PTPRN2: variants seen among roughly 807,000 people sequenced by gnomAD.
PTPRN2 encodes receptor-type tyrosine-protein phosphatase N2.
A neutral mutation model predicts 118.8 loss-of-function variants in PTPRN2; 74 were observed. The ratio of observed to expected loss-of-function variants is 0.62; its 90% confidence interval spans 0.52 to 0.76. The LOEUF is 0.76. Ranked by LOEUF, PTPRN2 falls within the 30% of genes least tolerant of loss-of-function variation. The pLI, the probability that PTPRN2 is intolerant of heterozygous loss-of-function variation, is 0.00. For missense variants in PTPRN2, 1,481 were observed against 1,394.4 expected, an observed-to-expected ratio of 1.06 and a Z score of -0.99; for synonymous variants, 641 against 608.0, an observed-to-expected ratio of 1.05 and a Z score of -0.80.
intron 11 of PTPRN2, among the ~76,000 whole-genome samples, chr7:157,913,624 T>G (rs1798216568): frequency 1.3e-5 from 2 of 152,262 alleles, no homozygotes; most frequent in African/African-American, 4.8e-5. Flanking sequence ...GCAAATGTTT[T>G]TACCTGTATC....
chr7:158,211,082 T>C (rs1827560185), intron 3 of PTPRN2, among the ~76,000 whole-genome samples: 1 of 152,088 alleles, frequency 6.6e-6, no homozygotes, highest in African/African-American at 2.4e-5. Flanking sequence ...GATAGGACAG[T>C]CTCTTCTATA....
intron 4 of PTPRN2, 106 bp from the exon 5 acceptor site, chr7:158,192,601 T>C: frequency 7.6e-7 from 1 of 1,318,134 alleles, no homozygotes; most frequent in Non-Finnish European, 1.0e-6. Flanking sequence ...GGAGCCGGGC[T>C]CTCGGTGGCC....
intron 14 of PTPRN2, among the ~76,000 whole-genome samples, chr7:157,630,105 AAGG>A (rs543717497): frequency 7.7e-4 from 118 of 152,342 alleles, no homozygotes; most frequent in Non-Finnish European, 1.4e-3. Flanking sequence ...GAAAAGATGA[AAGG>A]AGAAGTTCGA....
chr7:157,834,484 A>G (rs1807800864), intron 12 of PTPRN2, among the ~76,000 whole-genome samples: 1 of 137,642 alleles, frequency 7.3e-6, no homozygotes, highest in Non-Finnish European at 1.5e-5. Flanking sequence ...AGCCAGCAGC[A>G]CTCCCTGTGA....
At chr7:158,576,738 C>T (rs10240140) in intron 1 of PTPRN2, among the ~76,000 whole-genome samples, 32,453 of 151,298 alleles carry the variant, frequency 0.21, 3,699 homozygotes, top group East Asian at 0.42. Flanking sequence ...GGGGCCTGCA[C>T]AACACTGAGA....
chr7:158,077,663 C>T (rs1472508855), intron 11 of PTPRN2, among the ~76,000 whole-genome samples: 4 of 152,022 alleles, frequency 2.6e-5, no homozygotes, highest in African/African-American at 7.2e-5. Context: ...AGGAAACGGC[C>T]GAGCATGGGA....
intron 2 of PTPRN2, among the ~76,000 whole-genome samples, chr7:158,340,112 C>A (rs1206671215): frequency 1.3e-5 from 1 of 76,512 alleles, no homozygotes; most frequent in African/African-American, 4.6e-5. Flanking sequence ...CACACTCGCA[C>A]CATAAGAGGT....
chr7:158,149,408 A>G (rs1820676255), intron 6 of PTPRN2, among the ~76,000 whole-genome samples: 1 of 152,054 alleles, frequency 6.6e-6, no homozygotes, highest in African/African-American at 2.4e-5. Flanking sequence ...CTTAAAACAT[A>G]AAATGTATAA....
chr7:158,466,971 G>A (rs1385788953), intron 2 of PTPRN2, among the ~76,000 whole-genome samples: 1 of 152,232 alleles, frequency 6.6e-6, no homozygotes, highest in Admixed American at 6.5e-5. Flanking sequence ...AACCCAGGAG[G>A]CAGAGGTTGC....
chr7:157,667,151 G>A (rs13307017), intron 13 of PTPRN2, among the ~76,000 whole-genome samples: 4 of 82,864 alleles, frequency 4.8e-5, no homozygotes, highest in East Asian at 2.8e-4. Context: ...TGGCTTGCAC[G>A]CTCAGCCTGT....
chr7:158,084,876 CATG>C, intron 10 of PTPRN2, among the ~76,000 whole-genome samples: 1 of 146,338 alleles, frequency 6.8e-6, no homozygotes, highest in Non-Finnish European at 1.5e-5. Flanking sequence ...CATCCACACC[CATG>C]ATGCCCATCC....
At chr7:158,487,863 A>AT (rs1170495380) in intron 2 of PTPRN2, among the ~76,000 whole-genome samples, 2 of 143,386 alleles carry the variant, frequency 1.4e-5, no homozygotes, top group Admixed American at 7.4e-5. Context: ...TCAGTGCATC[A>AT]TAAAAAAAAA....
At chr7:157,968,909 A>G (rs1345550536) in intron 11 of PTPRN2, among the ~76,000 whole-genome samples, 1 of 152,220 alleles carries the variant, frequency 6.6e-6, no homozygotes, top group Non-Finnish European at 1.5e-5. Flanking sequence ...CACATTTCCC[A>G]TGGGCGATGG....
At chr7:158,206,803 A>G (rs1176816498) in intron 3 of PTPRN2, among the ~76,000 whole-genome samples, 1 of 150,160 alleles carries the variant, frequency 6.7e-6, no homozygotes, top group African/African-American at 2.4e-5. Context: ...TTTTTTTTTA[A>G]TTTATTTATT....
At chr7:158,392,802 C>T (rs975315411) in intron 2 of PTPRN2, among the ~76,000 whole-genome samples, 6 of 152,206 alleles carry the variant, frequency 3.9e-5, no homozygotes, top group African/African-American at 1.4e-4. Flanking sequence ...CCATCCTGCT[C>T]TGGTTATCTG....
chr7:158,391,365 G>A (rs2151378625), intron 2 of PTPRN2, among the ~76,000 whole-genome samples: 1 of 152,212 alleles, frequency 6.6e-6, no homozygotes, highest in South Asian at 2.1e-4. Flanking sequence ...CACCAGGCCC[G>A]AAATCCAGGT....
At chr7:157,889,653 A>T (rs532352491) in intron 12 of PTPRN2, among the ~76,000 whole-genome samples, 1 of 152,190 alleles carries the variant, frequency 6.6e-6, no homozygotes, top group Non-Finnish European at 1.5e-5. Flanking sequence ...TCTCCCCTTC[A>T]CAAATATTCA....
chr7:157,799,631 C>A lies in PTPRN2; in HGVS notation c.1788+99042G>T, dbSNP rs544854117. The stretch of plus-strand genomic sequence containing the variant: ...TGCTCCTCAGGCCCAGTGTTCTGAG[C>A]GTGGAGTGAACTTTCTAAGTCACAA... On this transcript the variant is annotated intron_variant, in intron 12 of 22. Coordinates refer to ENST00000389418, the MANE Select transcript of PTPRN2 (RefSeq NM_002847.5). Among the ~76,000 whole-genome samples the A allele has an allele frequency of 2.0e-5, 3 of 152,206 alleles. No homozygotes were observed. The South Asian group carries it at 6.2e-4, about 32-fold the overall frequency.
intron 11 of PTPRN2, among the ~76,000 whole-genome samples, chr7:158,071,686 TG>T (rs1811780043): frequency 8.2e-6 from 1 of 122,646 alleles, no homozygotes; most frequent in Non-Finnish European, 1.8e-5. Flanking sequence ...GTGCTCCTGG[TG>T]GAGGTGCTTG....
Sources: allele counts gnomAD v4.1 joint callset (sites outside exome capture counted in the v4.1 genomes callset), GRCh38; gene constraint gnomAD v4.1.1; transcripts MANE v1.5; gene names NCBI Gene and HGNC (gene_info 2026-07-23, HGNC 2026-07-21).